The following SLC45A1 variants were observed in gnomAD, a reference collection of about 807,000 sequenced individuals.
The protein encoded by SLC45A1 is proton-associated sugar transporter A.
In SLC45A1, 28 loss-of-function variants were observed where a neutral mutation model predicts 57.6. The ratio of observed to expected loss-of-function variants is 0.49; its 90% CI spans 0.36 to 0.67. The LOEUF is 0.67. SLC45A1 is among the 30% of genes least tolerant of loss of function. SLC45A1 has a pLI of 0.00. For missense variants in SLC45A1, 814 were observed against 1,041.5 expected, an observed-to-expected ratio of 0.78 and a Z score of 3.01; for synonymous variants, 459 against 471.5, an observed-to-expected ratio of 0.97 and a Z score of 0.34.
intron 5 of SLC45A1, among the ~76,000 whole-genome samples, chr1:8,334,457 C>A (rs1640538957): frequency 6.6e-6 from 1 of 152,180 alleles, no homozygotes; most frequent in South Asian, 2.1e-4. Flanking sequence ...TCAAAAACGA[C>A]TAGTTCCCCA....
At position 8,344,019 on chromosome 1, in the gene SLC45A1, C is replaced by T. The variant is rs150191141; in HGVS notation, c.*6C>T. On this transcript the variant is annotated 3_prime_UTR_variant, in exon 9 of 9. Transcript: ENST00000471889. ...CCCTCCTGCTGAACGTCTGACATCG[C>T]GGAGCCTCGACTCCGGACACGCGCC... 31 of 1,601,450 alleles carry T rather than the reference C, an allele frequency of 1.9e-5. No homozygotes were observed. Among genetic ancestry groups the T allele is most frequent in the Admixed American group, 8.4e-5 (5 of 59,490 alleles).
In SLC45A1 at chr1:8,324,471, C is replaced by T. The variant is rs1300213433; in HGVS notation, c.142C>T (p.Arg48Ter). 5.6e-6 allele frequency: 9 copies of T among 1,612,824 alleles called. No homozygotes were observed. Among genetic ancestry groups the T allele is most frequent in the Non-Finnish European group, 6.8e-6 (8 of 1,179,978 alleles). ...CAGTCACCGGGCCAACAACTTCAAA[C>T]GACACCCCAAGAGGAGGAAGTGCAT... Reference protein sequence around the residue: ...HLSHRANNFKRHPKRRKCIRP... With the variant: ...HLSHRANNFK Residue 48 changes from arginine (R) to a stop codon, truncating the protein, a stop_gained, in exon 2 of 9, where the codon CGA becomes TGA. Transcript: ENST00000471889. LOFTEE classifies it high-confidence loss of function.
chr1:8,325,116 C>T lies in SLC45A1; in HGVS notation c.398-182C>T, dbSNP rs74693279. On this transcript the variant is annotated intron_variant, in intron 2 of 8. Transcript: ENST00000471889. This position sits in a 1 kb window ranked among gnomAD's most constrained non-coding sequence, Gnocchi z 6.3. ...GGATTTAAGGAGATGCTGAGCAATC[C>T]CCAGAGTCTGCTGAGCTTTGGTTTC... Among the ~76,000 whole-genome samples, 1,446 of 152,220 alleles carry T rather than the reference C, an allele frequency of 9.5e-3. 20 individuals are homozygous for T. The highest frequency in any genetic ancestry group is 0.033 in the African/African-American group (1,366 of 41,546).
At chr1:8,318,478 C>A (rs566140648) in intron 1 of SLC45A1, among the ~76,000 whole-genome samples, 1 of 152,352 alleles carries the variant, frequency 6.6e-6, no homozygotes, top group South Asian at 2.1e-4. Context: ...GCTCCTGATG[C>A]GCTCCTTGAG....
At chr1:8,334,018 G>A (rs79967847) in intron 5 of SLC45A1, among the ~76,000 whole-genome samples, 2,163 of 152,332 alleles carry the variant, frequency 0.014, 146 homozygotes, top group Admixed American at 0.095. Context: ...TGAGGGCACC[G>A]TCAGCCTCAT....
At chr1:8,337,794 T>G (rs754940400) in intron 6 of SLC45A1, 22 bp from the exon 7 acceptor site, 1 of 1,608,904 alleles carries the variant, frequency 6.2e-7, no homozygotes, top group Admixed American at 1.7e-5. Context: ...CCCGAGGTCA[T>G]GAACCTCTTT....
In SLC45A1 at chr1:8,327,857, C is replaced by T. The variant is rs1239389604; in HGVS notation, c.715+1815C>T. Reference sequence around the variant, plus strand: ...ACCAGCCTGGCCAACATGACAAAATCCCATCTCTACTAAAAATACAAAAAA... The same window carrying T: ...ACCAGCCTGGCCAACATGACAAAATTCCATCTCTACTAAAAATACAAAAAA... On this transcript the variant is annotated intron_variant, in intron 4 of 8. Coordinates refer to ENST00000471889, the MANE Select transcript of SLC45A1 (RefSeq NM_001080397.3). The surrounding 1 kb of genome is among the most constrained non-coding windows in gnomAD (Gnocchi z 4.3). Among the ~76,000 whole-genome samples, 1 of 152,032 alleles carries T rather than the reference C, an allele frequency of 6.6e-6. No individual in the cohort carries two copies. Among genetic ancestry groups the T allele is most frequent in the Non-Finnish European group, 1.5e-5 (1 of 68,008 alleles).
At chr1:8,342,712 A>G (rs555371098) in intron 8 of SLC45A1, among the ~76,000 whole-genome samples, 1 of 152,210 alleles carries the variant, frequency 6.6e-6, no homozygotes, top group Admixed American at 6.5e-5. Context: ...TCTGGGCAAC[A>G]TAGTCAGACC....
intron 6 of SLC45A1, among the ~76,000 whole-genome samples, chr1:8,337,423 G>T (rs1461672794): frequency 6.6e-6 from 1 of 152,144 alleles, no homozygotes; most frequent in Admixed American, 6.6e-5. Context: ...TAAATTGCTT[G>T]TTACTTTTTT....
chr1:8,334,933 CCT>C (rs1640558539), intron 5 of SLC45A1, among the ~76,000 whole-genome samples: 1 of 152,006 alleles, frequency 6.6e-6, no homozygotes, highest in South Asian at 2.1e-4. Context: ...TCTCTGAGCC[CCT>C]GTCAAGGGCT....
chr1:8,324,678 C>T lies in SLC45A1; in HGVS notation c.349C>T (p.Leu117=), dbSNP rs1304575414. Residue 117 remains leucine, a synonymous_variant, in exon 2 of 9, where the codon CTG becomes TTG. Transcript: ENST00000471889. ...GACCCCGGTGCTCCTGCAGATGGGCCTGCCCGACCAGCTCTACAGCCTGGT... is the reference window on the plus strand; with the variant it reads ...GACCCCGGTGCTCCTGCAGATGGGCTTGCCCGACCAGCTCTACAGCCTGGT... ...YVTPVLLQMG[L]PDQLYSLVWF... 3.1e-6 allele frequency: 5 copies of T among 1,595,248 alleles called. No homozygotes were observed. The highest frequency in any genetic ancestry group is 4.3e-6 in the Non-Finnish European group (5 of 1,171,156).
chr1:8,319,818 G>C (rs1370770267), intron 1 of SLC45A1, among the ~76,000 whole-genome samples: 1 of 152,144 alleles, frequency 6.6e-6, no homozygotes, highest in Non-Finnish European at 1.5e-5. Context: ...CTGGGTTCAA[G>C]CGATTCTCCT....
rs1356643337 is a variant in SLC45A1, at chr1:8,327,793, G to A, written c.715+1751G>A. Among the ~76,000 whole-genome samples, 1 of 152,196 alleles carries A rather than the reference G, an allele frequency of 6.6e-6. No homozygotes were observed. Among genetic ancestry groups the A allele is most frequent in the African/African-American group, 2.4e-5 (1 of 41,450 alleles). On this transcript the variant is annotated intron_variant, in intron 4 of 8. Transcript: ENST00000471889. This position sits in a 1 kb window ranked among gnomAD's most constrained non-coding sequence, Gnocchi z 4.3. ...TGCCTGTAACCCCAGCACTTTGAGAGGCTGAAGTGGGTGAATCACTTGAGG... is the reference window on the plus strand; with the variant it reads ...TGCCTGTAACCCCAGCACTTTGAGAAGCTGAAGTGGGTGAATCACTTGAGG...
At chr1:8,338,858 G>A (rs1277325983) in intron 7 of SLC45A1, among the ~76,000 whole-genome samples, 1 of 151,986 alleles carries the variant, frequency 6.6e-6, no homozygotes, top group Non-Finnish European at 1.5e-5. Flanking sequence ...CTTTATTTTA[G>A]TTGCCCCCAT....
Position 8,330,888 on chromosome 1 carries a change from AG to A in SLC45A1, c.1400del (p.Gly467ValfsTer10). 6.2e-7 allele frequency: 1 copy of A among 1,603,218 alleles called. No individual in the cohort carries two copies. Among genetic ancestry groups the A allele is most frequent in the Non-Finnish European group, 8.5e-7 (1 of 1,172,336 alleles). ...TLAIPDAAGGGGPETSRRRNV... is the reference protein window; with the variant it reads ...TLAIPDAAGGXGPETSRRRNV... ...TGGCCATCCCGGACGCAGCCGGAGG[AG>A]GGGGTCCCGAAACCAGCAGGAGAAG... On this transcript the variant is annotated frameshift_variant, in exon 5 of 9. Transcript: ENST00000471889. LOFTEE classifies it high-confidence loss of function. This position sits in a 1 kb window ranked among gnomAD's most constrained non-coding sequence, Gnocchi z 8.4.
rs1284356750 is a variant in SLC45A1, at chr1:8,325,676, AG to A, written c.491-140del. On this transcript the variant is annotated intron_variant, in intron 3 of 8. Coordinates refer to ENST00000471889, the MANE Select transcript of SLC45A1 (RefSeq NM_001080397.3). This position sits in a 1 kb window ranked among gnomAD's most constrained non-coding sequence, Gnocchi z 6.3. ...AGTGCAAAATATATGGTGAGTTTGCAGGCGGCTTTTCCACCGGGCTGTGCTT... is the reference window on the plus strand; with the variant it reads ...AGTGCAAAATATATGGTGAGTTTGCAGCGGCTTTTCCACCGGGCTGTGCTT... The A allele has an allele frequency of 2.8e-6, 2 of 724,618 alleles. No homozygotes were observed. Among genetic ancestry groups the A allele is most frequent in the African/African-American group, 3.6e-5 (2 of 56,172 alleles). 44.9% of individuals were successfully genotyped at this position (724,618 alleles called of 1,614,324 possible).
intron 5 of SLC45A1, among the ~76,000 whole-genome samples, chr1:8,332,956 G>C (rs531693393): frequency 1.3e-5 from 2 of 152,298 alleles, no homozygotes; most frequent in East Asian, 1.9e-4. Flanking sequence ...GCCGAGTCTC[G>C]TTTGCCTCAT....
rs1343891525 is a variant in SLC45A1, at chr1:8,325,801, T to C, written c.491-17T>C. The C allele has an allele frequency of 6.2e-7, 1 of 1,609,522 alleles. No individual in the cohort carries two copies. The highest frequency in any genetic ancestry group is 8.5e-7 in the Non-Finnish European group (1 of 1,178,828). Reference sequence around the variant, plus strand: ...GGTCTGCATTTTCTTGGGGTGACTTTGTTTCTCTGTGTCCAGGGGCACTGC... The same window carrying C: ...GGTCTGCATTTTCTTGGGGTGACTTCGTTTCTCTGTGTCCAGGGGCACTGC... On this transcript the variant is annotated splice_polypyrimidine_tract_variant and intron_variant, in intron 3 of 8. Transcript: ENST00000471889. The surrounding 1 kb of genome is among the most constrained non-coding windows in gnomAD (Gnocchi z 6.3).
intron 1 of SLC45A1, among the ~76,000 whole-genome samples, chr1:8,321,597 T>C (rs1640009945): frequency 1.3e-5 from 2 of 152,286 alleles, no homozygotes; most frequent in African/African-American, 4.8e-5. Flanking sequence ...ATCTCTCTTA[T>C]CTCAGTGTCT....
Sources: gnomAD v4.1 joint callset for allele counts (sites outside exome capture counted in the v4.1 genomes callset) on GRCh38, gnomAD v4.1.1 for gene constraint, Gnocchi (gnomAD v3.1) non-coding constraint, MANE v1.5 for transcripts, NCBI Gene and HGNC (gene_info 2026-07-23, HGNC 2026-07-21) for gene names.